TDRD5: variants seen among roughly 807,000 people sequenced by gnomAD.
TDRD5 encodes tudor domain containing 5.
TDRD5 carries 41 observed loss-of-function variants against 120.6 expected under a neutral mutation model. That is an observed-to-expected ratio of 0.34 (90% CI 0.26 to 0.44). The LOEUF (loss-of-function observed/expected upper bound fraction) is 0.44. Among genes scored for constraint, TDRD5 ranks in the 20% least tolerant of loss-of-function variants. TDRD5 has a pLI of 1.00. For synonymous variants in TDRD5, 430 were observed against 433.7 expected (o/e 0.99, Z 0.11); for missense variants, 1,006 against 1,221.2 (o/e 0.82, Z 2.63).
Position 179,636,965 on chromosome 1 carries a change from T to C in TDRD5, c.1520+1078T>C, listed in dbSNP as rs56752895. Among the ~76,000 whole-genome samples, 1,461 of 152,326 alleles carry C rather than the reference T, an allele frequency of 9.6e-3. 24 individuals are homozygous for C. Among genetic ancestry groups the C allele is most frequent in the African/African-American group, 0.033 (1,357 of 41,574 alleles). On this transcript the variant is annotated intron_variant, in intron 9 of 17. Transcript: ENST00000444136. ...TTCGTCTTCCAGGTAAAAATCATGT[T>C]TGTGGACTATACTTTGAGAACTACT...
In TDRD5 at chr1:179,624,281, A is replaced by G. The variant is rs149248404; in HGVS notation, c.972+3190A>G. ...ACTAGGAATAGAAAAGAAATTCCTCATTTGGATAAAGTGCATTTGTGAAAA... is the reference window on the plus strand; with the variant it reads ...ACTAGGAATAGAAAAGAAATTCCTCGTTTGGATAAAGTGCATTTGTGAAAA... On this transcript the variant is annotated intron_variant, in intron 6 of 17. Coordinates refer to ENST00000444136, the MANE Select transcript of TDRD5 (RefSeq NM_001199085.3). 1.3e-4 allele frequency among the ~76,000 whole-genome samples: 20 copies of G among 152,304 alleles called. No homozygotes were observed. The East Asian group carries it at 2.7e-3, about 21-fold the overall frequency.
At chr1:179,618,804 C>A in intron 5 of TDRD5, 122 bp downstream of exon 5, 1 of 630,486 alleles carries the variant, frequency 1.6e-6, no homozygotes, top group Non-Finnish European at 2.4e-6. Context: ...GCAAACTAAG[C>A]AACAATTCTT....
chr1:179,656,263 C>T (rs1678999807), intron 14 of TDRD5, among the ~76,000 whole-genome samples: 1 of 151,934 alleles, frequency 6.6e-6, no homozygotes, highest in African/African-American at 2.4e-5. Context: ...AGTCTTTTTC[C>T]CATTTTTTTG....
At chr1:179,668,329 C>T (rs1034701997) in intron 16 of TDRD5, among the ~76,000 whole-genome samples, 1 of 152,180 alleles carries the variant, frequency 6.6e-6, no homozygotes, top group African/African-American at 2.4e-5. Flanking sequence ...GGACTGAGTG[C>T]CCCTTAGGGA....
chr1:179,623,119 C>T (rs1252834043), intron 6 of TDRD5, among the ~76,000 whole-genome samples: 1 of 152,044 alleles, frequency 6.6e-6, no homozygotes, highest in African/African-American at 2.4e-5. Flanking sequence ...GTACTGTTAA[C>T]CCAATATTTT....
At chr1:179,651,729 C>T (rs1321598669) in intron 12 of TDRD5, among the ~76,000 whole-genome samples, 2 of 152,072 alleles carry the variant, frequency 1.3e-5, no homozygotes, top group African/African-American at 4.8e-5. Context: ...CTGGCTAACA[C>T]AGTGAAACCT....
intron 7 of TDRD5, 119 bp from the exon 8 acceptor site, chr1:179,634,338 C>A: frequency 2.0e-6 from 2 of 996,898 alleles, no homozygotes; most frequent in Non-Finnish European, 1.5e-6. Context: ...GTCTTTCTAG[C>A]ACCTGGTGTG....
Position 179,662,116 on chromosome 1 carries a change from A to G in TDRD5, c.2335A>G (p.Thr779Ala), listed in dbSNP as rs376733151. Residue 779 changes from threonine to alanine, a missense_variant, in exon 15 of 18, where the codon ACT becomes GCT. Physicochemically the swap from Thr to Ala is moderately conservative, Grantham distance 58. Transcript: ENST00000444136. Reference sequence around the variant, plus strand: ...TGTTACATTTTAGGATGAGATCCCCACTGGAATGCCATGCCTGGAGTCAGT... The same window carrying G: ...TGTTACATTTTAGGATGAGATCCCCGCTGGAATGCCATGCCTGGAGTCAGT... ...LKEENEDEIP[T>A]GMPCLESVTI... 2.5e-6 allele frequency: 4 copies of G among 1,575,908 alleles called. No homozygotes were observed. The highest frequency in any genetic ancestry group is 2.4e-5 in the South Asian group (2 of 84,494).
chr1:179,690,493 T>G (rs563299909), intron 17 of TDRD5, among the ~76,000 whole-genome samples: 1 of 152,368 alleles, frequency 6.6e-6, no homozygotes, highest in South Asian at 2.1e-4. Flanking sequence ...AAGATTTATT[T>G]TATCTCAATT....
At chr1:179,686,249 T>G (rs11585779) in intron 17 of TDRD5, among the ~76,000 whole-genome samples, 1 of 151,990 alleles carries the variant, frequency 6.6e-6, no homozygotes, top group Non-Finnish European at 1.5e-5. Flanking sequence ...GTTTTTAGCA[T>G]GAAGGGCTGT....
At chr1:179,605,352 C>T (rs958305629) in intron 4 of TDRD5, among the ~76,000 whole-genome samples, 5 of 152,046 alleles carry the variant, frequency 3.3e-5, no homozygotes, top group Non-Finnish European at 5.9e-5. Flanking sequence ...TTAAGTGGAG[C>T]ATTTAGGCCA....
intron 17 of TDRD5, among the ~76,000 whole-genome samples, chr1:179,686,594 T>C (rs1326625319): frequency 1.3e-5 from 2 of 152,240 alleles, no homozygotes; most frequent in Admixed American, 6.5e-5. Flanking sequence ...TTTCTATTGA[T>C]TGAAATAGTT....
chr1:179,640,366 T>A lies in TDRD5; in HGVS notation c.1734-13T>A. On this transcript the variant is annotated splice_polypyrimidine_tract_variant and intron_variant, in intron 10 of 17. Transcript: ENST00000444136. Reference sequence around the variant, plus strand: ...AGGAAGATTGAACTTACATATTTGATTATCTATTGCAGGTGCTGCTACACA... The same window carrying A: ...AGGAAGATTGAACTTACATATTTGAATATCTATTGCAGGTGCTGCTACACA... 3.1e-6 allele frequency: 5 copies of A among 1,614,060 alleles called. No homozygotes were observed. Among genetic ancestry groups the A allele is most frequent in the Non-Finnish European group, 4.2e-6 (5 of 1,179,922 alleles).
intron 4 of TDRD5, among the ~76,000 whole-genome samples, chr1:179,608,483 A>G (rs1043220044): frequency 6.6e-6 from 1 of 151,892 alleles, no homozygotes; most frequent in African/African-American, 2.4e-5. Flanking sequence ...TGTGTGCTTC[A>G]TTTTATATAG....
intron 4 of TDRD5, among the ~76,000 whole-genome samples, chr1:179,602,857 CGG>C (rs1469381342): frequency 1.3e-5 from 2 of 151,958 alleles, no homozygotes; most frequent in African/African-American, 4.8e-5. Flanking sequence ...TTTGGCTATG[CGG>C]GCTCTTTTTT....
chr1:179,615,200 G>A (rs1343101739), intron 4 of TDRD5, among the ~76,000 whole-genome samples: 2 of 152,072 alleles, frequency 1.3e-5, no homozygotes, highest in Non-Finnish European at 2.9e-5. Flanking sequence ...AGTTCCATGA[G>A]GACAGGGACC....
At position 179,690,892 on chromosome 1, in the gene TDRD5, A is replaced by C. The variant is rs140431084; in HGVS notation, c.3057A>C (p.Thr1019=). Residue 1019 remains threonine (T), a synonymous_variant, in exon 18 of 18, where the codon ACA becomes ACC. Transcript: ENST00000444136. ...TAGGTGCTGCCGCACGGTTAGCTAC[A>C]TCCAGGAGCCTCCTACACTGGTACC... The part of the protein sequence containing the change: ...AALGAAARLA[T]SRSLLHWYPS... The C allele has an allele frequency of 1.5e-4, 244 of 1,613,962 alleles. No homozygotes were observed. The highest frequency in any genetic ancestry group is 1.5e-4 in the Non-Finnish European group (179 of 1,180,018).
intron 17 of TDRD5, among the ~76,000 whole-genome samples, chr1:179,682,341 C>T (rs929102335): frequency 6.6e-6 from 1 of 151,988 alleles, no homozygotes; most frequent in Non-Finnish European, 1.5e-5. Context: ...GTTTACTGCA[C>T]CCATCAACCT....
intron 14 of TDRD5, 22 bp from the exon 15 acceptor site, chr1:179,662,082 T>C: frequency 1.3e-6 from 2 of 1,511,146 alleles, no homozygotes; most frequent in South Asian, 2.7e-5. Context: ...ATAGTTTTTC[T>C]TTGTCTTCTG....
Sources: gnomAD v4.1 joint callset for allele counts (sites outside exome capture counted in the v4.1 genomes callset) on GRCh38, gnomAD v4.1.1 for gene constraint, MANE v1.5 for transcripts, NCBI Gene and HGNC (gene_info 2026-07-23, HGNC 2026-07-21) for gene names.